The following IGHMBP2 variants were observed in gnomAD, a reference collection of about 807,000 sequenced individuals.
IGHMBP2 encodes the protein DNA-binding protein SMUBP-2.
A neutral mutation model predicts 96.0 loss-of-function variants in IGHMBP2; 81 were observed. The ratio of observed to expected loss-of-function variants is 0.84; its 90% CI spans 0.71 to 1.01. The LOEUF is 1.01. IGHMBP2 is among the 50% of genes least tolerant of loss of function. The pLI is 0.00. For missense variants in IGHMBP2, 1,227 were observed against 1,306.3 expected (o/e 0.94, Z 0.94); for synonymous variants, 557 against 548.9 (o/e 1.01, Z -0.21).
rs1303182459 is a variant in IGHMBP2, at chr11:68,933,456, T to C, written c.1393T>C (p.Ser465Pro). 2.5e-6 allele frequency: 4 copies of C among 1,612,788 alleles called. No homozygotes were observed. The highest frequency in any genetic ancestry group is 3.4e-6 in the Non-Finnish European group (4 of 1,179,826). The change falls in exon 9 of 15, where the codon TCT becomes CCT. Residue 465 changes from serine to proline, a missense_variant. Around this residue, in one of 3 missense-constraint regions of IGHMBP2, gnomAD observed 703 missense variants for 770.3 expected, o/e 0.91. Transcript: ENST00000255078. ...TMYLGQLTAH[S>P]SVARHLLRDL... ...GTACCTTGGGCAGCTCACAGCCCACTCTTCCGTGGCAAGGCACCTCCTGAG... is the reference window on the plus strand; with the variant it reads ...GTACCTTGGGCAGCTCACAGCCCACCCTTCCGTGGCAAGGCACCTCCTGAG...
chr11:68,933,988 A>G, intron 10 of IGHMBP2, 75 bp downstream of exon 10: 1 of 1,054,374 alleles, frequency 9.5e-7, no homozygotes, highest in East Asian at 2.6e-5. Context: ...AGGCACTTTA[A>G]TTGCCTAATT....
intron 5 of IGHMBP2, among the ~76,000 whole-genome samples, chr11:68,912,348 T>G (rs1858472534): frequency 6.6e-6 from 1 of 152,020 alleles, no homozygotes; most frequent in South Asian, 2.1e-4. Context: ...GCCAGTCTGG[T>G]CTCACTCCTG....
intron 5 of IGHMBP2, among the ~76,000 whole-genome samples, chr11:68,913,043 C>CAAAAACA (rs1166643101): frequency 8.0e-5 from 3 of 37,468 alleles, no homozygotes; most frequent in Non-Finnish European, 1.4e-4. Context: ...ACTCCATCTC[C>CAAAAACA]AAAAAAAAAA....
At chr11:68,930,261 T>C (rs1273554676) in intron 8 of IGHMBP2, 5 of 1,281,978 alleles carry the variant, frequency 3.9e-6, no homozygotes, top group South Asian at 3.7e-5. Context: ...CGGGGGAAGA[T>C]TGATTTCTTC....
intron 4 of IGHMBP2, 56 bp from the exon 5 acceptor site, chr11:68,911,384 A>T (rs1858426189): frequency 6.3e-7 from 1 of 1,580,888 alleles, no homozygotes; most frequent in Admixed American, 1.7e-5. Context: ...TCTGAGGAGG[A>T]ACACCCACAG....
intron 5 of IGHMBP2, among the ~76,000 whole-genome samples, chr11:68,913,057 A>AAAAAAAAC (rs1858503076): frequency 6.6e-6 from 1 of 150,524 alleles, no homozygotes; most frequent in East Asian, 1.9e-4. Context: ...AAAAAAAAAA[A>AAAAAAAAC]AAAAAAAAAA....
At position 68,908,242 on chromosome 11, in the gene IGHMBP2, T is replaced by G. The variant is rs534344339; in HGVS notation, c.354T>G (p.Phe118Leu). The change falls in exon 3 of 15, where the codon TTT becomes TTG. Residue 118 changes from phenylalanine to leucine, a missense_variant. Phe to Leu is a conservative substitution (Grantham distance 22). Coordinates refer to ENST00000255078, the MANE Select transcript of IGHMBP2 (RefSeq NM_002180.3). ...RVTQKSVTVA[F>L]DESHDFQLSL... ...CCCAGAAGTCGGTCACGGTGGCCTT[T>G]GATGAGTCCCACGATTTCCAGTTGA... 5.6e-6 allele frequency: 9 copies of G among 1,614,016 alleles called. No individual in the cohort carries two copies. The African/African-American group carries it at 9.3e-5, about 17-fold the overall frequency.
rs1594458412 is a variant in IGHMBP2, at chr11:68,938,257, C to T, written c.2687C>T (p.Thr896Ile). 1 of 1,614,064 alleles carries T rather than the reference C, an allele frequency of 6.2e-7. No individual in the cohort carries two copies. The highest frequency in any genetic ancestry group is 1.1e-5 in the South Asian group (1 of 91,084). ...TCTGCCGCCGTTAAGGCTGATAACA[C>T]CTGCGGCTTTGCCAAGTGCACAGCC... The part of the protein sequence containing the change: ...LVSAAVKADN[T>I]CGFAKCTAGV... Residue 896 changes from threonine (T) to isoleucine (I), a missense_variant, in exon 14 of 15, where the codon ACC (threonine) becomes ATC (isoleucine). Around this residue, in one of 3 missense-constraint regions of IGHMBP2, gnomAD observed 703 missense variants for 770.3 expected, o/e 0.91. Transcript: ENST00000255078.
intron 5 of IGHMBP2, among the ~76,000 whole-genome samples, chr11:68,914,292 C>CAAA: frequency 7.3e-6 from 1 of 136,248 alleles, no homozygotes; most frequent in African/African-American, 2.6e-5. Context: ...CAATTTGTTT[C>CAAA]AAAAAAAAAA....
At chr11:68,934,169 G>A in intron 10 of IGHMBP2, 1 of 610,166 alleles carries the variant, frequency 1.6e-6, no homozygotes, top group South Asian at 1.9e-5. Context: ...TGCCTGGCTG[G>A]TCTGGTGATG....
intron 5 of IGHMBP2, among the ~76,000 whole-genome samples, chr11:68,911,911 C>T (rs151331923): frequency 1.3e-3 from 204 of 152,330 alleles, no homozygotes; most frequent in African/African-American, 4.7e-3. Flanking sequence ...TTGCTGTGCT[C>T]GTGCTCCTCC....
rs1269264954 is a variant in IGHMBP2 at position 68,933,325 on chromosome 11, G to A, written c.1262G>A (p.Ser421Asn). 1 of 1,612,946 alleles carries A rather than the reference G, an allele frequency of 6.2e-7. No homozygotes were observed. The highest frequency in any genetic ancestry group is 2.2e-5 in the East Asian group (1 of 44,880). The change falls in exon 9 of 15, where the codon AGC (serine) becomes AAC (asparagine). Residue 421 changes from serine (S) to asparagine (N), a missense_variant. By Grantham distance (46) the Ser-to-Asn change is conservative. Around this residue, in one of 3 missense-constraint regions of IGHMBP2, gnomAD observed 17 missense variants for 39.1 expected, o/e 0.43. Transcript: ENST00000255078. ...HKAALAGLSLSLMERLAEEYG... is the reference protein window; with the variant it reads ...HKAALAGLSLNLMERLAEEYG... ...GCTGCGCTGGCAGGACTGTCACTCA[G>A]CCTGATGGAACGCCTGGCTGAGGAG...
intron 8 of IGHMBP2, among the ~76,000 whole-genome samples, chr11:68,931,295 T>C (rs1594448542): frequency 6.6e-6 from 1 of 151,834 alleles, no homozygotes; most frequent in African/African-American, 2.4e-5. Context: ...GGCTGCAGAG[T>C]GGGAGGGCAG....
Position 68,936,519 on chromosome 11 carries a change from A to G in IGHMBP2, c.2039A>G (p.Gln680Arg). ...TCCACCAGGACCGGAAGCCAGCGGCAGGAGGGAGGCCAGGAGGCTGCAGCA... is the reference window on the plus strand; with the variant it reads ...TCCACCAGGACCGGAAGCCAGCGGCGGGAGGGAGGCCAGGAGGCTGCAGCA... ...ATSTRTGSQRQEGGQEAAAPA... is the reference protein window; with the variant it reads ...ATSTRTGSQRREGGQEAAAPA... Residue 680 changes from glutamine (Q) to arginine (R), a missense_variant, in exon 13 of 15, where the codon CAG becomes CGG. Coordinates refer to ENST00000255078, the MANE Select transcript of IGHMBP2 (RefSeq NM_002180.3). 6.2e-7 allele frequency: 1 copy of G among 1,613,476 alleles called. No individual in the cohort carries two copies. The highest frequency in any genetic ancestry group is 8.5e-7 in the Non-Finnish European group (1 of 1,179,858).
At chr11:68,937,138 G>A (rs746046616) in intron 13 of IGHMBP2, 47 bp downstream of exon 13, 3 of 1,593,504 alleles carry the variant, frequency 1.9e-6, no homozygotes, top group East Asian at 4.5e-5. Flanking sequence ...TCACTGGGGT[G>A]CTGGCCCCAC....
intron 10 of IGHMBP2, 125 bp from the exon 11 acceptor site, chr11:68,934,339 G>C: frequency 1.4e-6 from 1 of 739,074 alleles, no homozygotes. Context: ...TTAGCTCCCA[G>C]GAAGCCACCT....
At chr11:68,930,689 G>A (rs1260025232) in intron 8 of IGHMBP2, among the ~76,000 whole-genome samples, 1 of 152,154 alleles carries the variant, frequency 6.6e-6, no homozygotes, top group African/African-American at 2.4e-5. Flanking sequence ...AATGAGGTAC[G>A]CAGATTAGTG....
chr11:68,934,491 T>A lies in IGHMBP2; in HGVS notation c.1565T>A (p.Ile522Asn). The change falls in exon 11 of 15, where the codon ATC (isoleucine) becomes AAC (asparagine). Residue 522 changes from isoleucine (I) to asparagine (N), a missense_variant. Transcript: ENST00000255078. ...PGEVRLVSLH[I>N]QALVDAGVPA... ...GAAGTCCGCCTCGTCAGTTTGCACATCCAGGCTCTGGTGGACGCTGGTGTT... is the reference window on the plus strand; with the variant it reads ...GAAGTCCGCCTCGTCAGTTTGCACAACCAGGCTCTGGTGGACGCTGGTGTT... 1 of 1,612,538 alleles carries A rather than the reference T, an allele frequency of 6.2e-7. No homozygotes were observed. The highest frequency in any genetic ancestry group is 8.5e-7 in the Non-Finnish European group (1 of 1,179,244).
intron 7 of IGHMBP2, among the ~76,000 whole-genome samples, chr11:68,922,456 C>G (rs371941216): frequency 6.6e-6 from 1 of 151,864 alleles, no homozygotes; most frequent in Non-Finnish European, 1.5e-5. Flanking sequence ...AGTGCCGTGG[C>G]GCAATCTTGG....
Sources: gnomAD v4.1 joint callset for allele counts (sites outside exome capture counted in the v4.1 genomes callset) on GRCh38, gnomAD v4.1.1 for gene constraint, gnomAD v4.1.1 regional missense constraint, MANE v1.5 for transcripts, NCBI Gene and HGNC (gene_info 2026-07-23, HGNC 2026-07-21) for gene names.